Variants in ANK3 observed in about 807,000 individuals in gnomAD.
ANK3 encodes the protein ankyrin 3.
In ANK3, 57 loss-of-function variants were observed where a neutral mutation model predicts 370.9. The observed-to-expected ratio is 0.15, with a 90% CI of 0.12 to 0.19. The LOEUF is 0.19. Ranked by LOEUF, ANK3 falls within the 10% of genes least tolerant of loss-of-function variation. ANK3 has a pLI of 1.00. For synonymous variants in ANK3, 1,929 were observed against 1,946.3 expected, an observed-to-expected ratio of 0.99 and a Z score of 0.23; for missense variants, 4,439 against 5,302.1, an observed-to-expected ratio of 0.84 and a Z score of 5.06.
rs117916022 is a variant in ANK3, at chr10:60,538,542, T to C, written c.96+76644A>G. On this transcript the variant is annotated intron_variant, in intron 2 of 43. Transcript: ENST00000373827. ...TTAATCACTCTACTTGGAGGTTTGT[T>C]CAAGTATCCAGTCATGCATATAGCC... is the stretch of plus-strand genomic sequence containing the variant. Among the ~76,000 whole-genome samples, 54 of 152,034 alleles carry C rather than the reference T, an allele frequency of 3.6e-4. No individual in the cohort carries two copies. In the East Asian group the frequency reaches 9.3e-3, roughly 26 times the overall value.
At chr10:60,347,810 T>C (rs1308783944) in intron 1 of ANK3, among the ~76,000 whole-genome samples, 2 of 152,208 alleles carry the variant, frequency 1.3e-5, no homozygotes, top group Non-Finnish European at 2.9e-5. Context: ...ACTCACCCCC[T>C]GAGAATTTAT....
At chr10:60,348,256 C>T (rs532349972) in intron 1 of ANK3, among the ~76,000 whole-genome samples, 1 of 147,832 alleles carries the variant, frequency 6.8e-6, no homozygotes, top group Admixed American at 6.9e-5. Context: ...CATTCTAAGT[C>T]TAGGTGACAC....
At chr10:60,405,601 A>C (rs191898772) in intron 2 of ANK3, among the ~76,000 whole-genome samples, 7 of 152,332 alleles carry the variant, frequency 4.6e-5, no homozygotes, top group African/African-American at 1.7e-4. Context: ...AACATTCATC[A>C]ACTGGTACAT....
At chr10:60,322,407 T>C (rs978229024) in intron 1 of ANK3, among the ~76,000 whole-genome samples, 3 of 152,066 alleles carry the variant, frequency 2.0e-5, no homozygotes, top group Non-Finnish European at 4.4e-5. Context: ...CAACTTCAGC[T>C]CTGAAAATAT....
At chr10:60,225,948 G>C (rs894329101) in intron 8 of ANK3, among the ~76,000 whole-genome samples, 8 of 148,650 alleles carry the variant, frequency 5.4e-5, no homozygotes, top group Non-Finnish European at 1.0e-4. Context: ...ATTAAAATGT[G>C]TATCTTTAAC....
intron 1 of ANK3, among the ~76,000 whole-genome samples, chr10:60,671,861 T>C (rs2079067838): frequency 1.3e-5 from 2 of 152,228 alleles, no homozygotes; most frequent in African/African-American, 4.8e-5. Flanking sequence ...TGAGAAACTG[T>C]AGCCTCCTGC....
intron 2 of ANK3, among the ~76,000 whole-genome samples, chr10:60,537,163 A>G (rs1006158395): frequency 9.2e-5 from 14 of 152,094 alleles, no homozygotes; most frequent in Non-Finnish European, 1.8e-4. Flanking sequence ...CAATTAAACA[A>G]AAGTTTTCTT....
intron 2 of ANK3, among the ~76,000 whole-genome samples, chr10:60,604,264 G>A (rs149792328): frequency 2.6e-5 from 4 of 152,258 alleles, no homozygotes; most frequent in Non-Finnish European, 5.9e-5. Context: ...GCAGTATTGT[G>A]ACATCATCAT....
At chr10:60,138,835 A>T in intron 24 of ANK3, 129 bp downstream of exon 24, 2 of 1,253,242 alleles carry the variant, frequency 1.6e-6, no homozygotes, top group Non-Finnish European at 2.2e-6. Context: ...CGTCGAGAAC[A>T]TTTCGCTAAA....
At chr10:60,029,875 C>CTTTTTCTTTTTTTT (rs2072915122) in intron 43 of ANK3, 49 bp from the exon 44 acceptor site, 1 of 68,606 alleles carries the variant, frequency 1.5e-5, no homozygotes, top group African/African-American at 6.6e-5. Context: ...TTTTCTTTTT[C>CTTTTTCTTTTTTTT]TTTTTTTTTT....
chr10:60,319,342 A>G (rs1488656560), intron 1 of ANK3, among the ~76,000 whole-genome samples: 2 of 152,174 alleles, frequency 1.3e-5, no homozygotes, highest in African/African-American at 4.8e-5. Context: ...TAGAGATTAA[A>G]AACCTTTCCC....
At chr10:60,398,591 G>A (rs1002504659) in intron 2 of ANK3, among the ~76,000 whole-genome samples, 3 of 152,096 alleles carry the variant, frequency 2.0e-5, no homozygotes, top group African/African-American at 4.8e-5. Context: ...ATGGAAAAAC[G>A]TATGTTGCTA....
intron 2 of ANK3, among the ~76,000 whole-genome samples, chr10:60,418,136 C>T (rs949769899): frequency 6.6e-6 from 1 of 152,282 alleles, no homozygotes; most frequent in East Asian, 1.9e-4. Context: ...CAGCAGCCTG[C>T]AAGCTGTCTT....
At chr10:60,564,046 C>G (rs1427535071) in intron 2 of ANK3, among the ~76,000 whole-genome samples, 1 of 151,976 alleles carries the variant, frequency 6.6e-6, no homozygotes, top group African/African-American at 2.4e-5. Flanking sequence ...AATTCCAATG[C>G]TAAGTTCAAA....
At chr10:60,286,569 T>C (rs1463643434) in intron 1 of ANK3, among the ~76,000 whole-genome samples, 1 of 152,164 alleles carries the variant, frequency 6.6e-6, no homozygotes, top group African/African-American at 2.4e-5. Context: ...CTACTTGGGG[T>C]GCATAAGGGC....
At chr10:60,329,698 TGG>T (rs1170012612) in intron 1 of ANK3, among the ~76,000 whole-genome samples, 1 of 152,040 alleles carries the variant, frequency 6.6e-6, no homozygotes, top group Admixed American at 6.5e-5. Flanking sequence ...ATTGTGAAAA[TGG>T]CCATATTGCC....
At chr10:60,079,434 C>G (rs2084655059) in intron 36 of ANK3, among the ~76,000 whole-genome samples, 1 of 152,120 alleles carries the variant, frequency 6.6e-6, no homozygotes, top group South Asian at 2.1e-4. Flanking sequence ...GAAGATGACG[C>G]TAAGACCATC....
At chr10:60,731,126 A>G (rs1208438577) in intron 1 of ANK3, among the ~76,000 whole-genome samples, 5 of 152,248 alleles carry the variant, frequency 3.3e-5, no homozygotes, top group Non-Finnish European at 5.9e-5. Flanking sequence ...AACCTGGGGA[A>G]AACTGCTGAG....
At chr10:60,532,639 G>A (rs577452525) in intron 2 of ANK3, among the ~76,000 whole-genome samples, 8 of 152,148 alleles carry the variant, frequency 5.3e-5, no homozygotes, top group African/African-American at 1.9e-4. Flanking sequence ...TAGAGACTGG[G>A]GGTCGTGGTG....
Sources: gnomAD v4.1 joint callset for allele counts (sites outside exome capture counted in the v4.1 genomes callset) on GRCh38, gnomAD v4.1.1 for gene constraint, MANE v1.5 for transcripts, NCBI Gene and HGNC (gene_info 2026-07-23, HGNC 2026-07-21) for gene names.